Variants in CFAP46 observed in about 807,000 individuals in gnomAD.
CFAP46 encodes cilia and flagella associated protein 46.
In CFAP46, 245 loss-of-function variants were observed where a neutral mutation model predicts 325.7. The ratio of observed to expected loss-of-function variants is 0.75; its 90% confidence interval spans 0.68 to 0.84. CFAP46 has a LOEUF of 0.84. Among genes scored for constraint, CFAP46 ranks in the 40% least tolerant of loss-of-function variants. The pLI, the probability that CFAP46 is intolerant of heterozygous loss-of-function variation, is 0.00. For missense variants in CFAP46, 3,346 were observed against 3,543.0 expected, an observed-to-expected ratio of 0.94 and a Z score of 1.41; for synonymous variants, 1,523 against 1,495.9, an observed-to-expected ratio of 1.02 and a Z score of -0.42.
In CFAP46 at chr10:132,834,640, G is replaced by A. The variant is rs376366201; in HGVS notation, c.6866+14C>T. ...AGCGTGGTGGGGTGCCAGCCTCAAC[G>A]TCATCCCCAGTACCTGGCCTTGGAG... On this transcript the variant is annotated intron_variant, in intron 48 of 57. Transcript: ENST00000368586. 8.1e-5 allele frequency: 131 copies of A among 1,612,550 alleles called. 1 individual carries two copies. The African/African-American group carries it at 1.5e-3, about 18-fold the overall frequency.
At chr10:132,922,428 C>T in intron 12 of CFAP46, 52 bp downstream of exon 12, 1 of 1,498,326 alleles carries the variant, frequency 6.7e-7, no homozygotes. Flanking sequence ...CCCGCCCCGG[C>T]CCCATGCTGG....
At chr10:132,918,300 G>C in intron 16 of CFAP46, 93 bp downstream of exon 16, 1 of 769,016 alleles carries the variant, frequency 1.3e-6, no homozygotes, top group Non-Finnish European at 1.6e-6. Flanking sequence ...CAGCACCGAT[G>C]AACGCCCCTC....
chr10:132,820,675 CTGATGTGTGCTG>C (rs1277142194), intron 50 of CFAP46, among the ~76,000 whole-genome samples: 47 of 116,012 alleles, frequency 4.1e-4, no homozygotes, highest in Admixed American at 1.2e-3. Flanking sequence ...TGTGTGTGCA[CTGATGTGTGCTG>C]TGTGTGCTGA....
rs1430657279 is a variant in CFAP46 at position 132,919,311 on chromosome 10, G to A, written c.1858+4C>T. 19 of 1,549,048 alleles carry A rather than the reference G, an allele frequency of 1.2e-5. No homozygotes were observed. Among genetic ancestry groups the A allele is most frequent in the Non-Finnish European group, 1.5e-5 (17 of 1,146,368 alleles). ...GGGACACACTCGTGAGGGCGGGTACGAACCTCGCCGCAGCCTCAACTTCTT... is the reference window on the plus strand; with the variant it reads ...GGGACACACTCGTGAGGGCGGGTACAAACCTCGCCGCAGCCTCAACTTCTT... On this transcript the variant is annotated splice_donor_region_variant and intron_variant, in intron 15 of 57. Transcript: ENST00000368586. The surrounding 1 kb of genome is among the most constrained non-coding windows in gnomAD (Gnocchi z 9.7).
At chr10:132,809,077 G>A (rs1323015977) in intron 57 of CFAP46, among the ~76,000 whole-genome samples, 173 bp from the exon 58 acceptor site, 1 of 150,716 alleles carries the variant, frequency 6.6e-6, no homozygotes. Flanking sequence ...CACCCCTCCC[G>A]CACCGAGGTG....
At chr10:132,809,278 C>T (rs987197541) in intron 57 of CFAP46, among the ~76,000 whole-genome samples, 1 of 152,202 alleles carries the variant, frequency 6.6e-6, no homozygotes, top group Non-Finnish European at 1.5e-5. Flanking sequence ...CTCATGCCTC[C>T]ATTGCAGGGA....
intron 50 of CFAP46, among the ~76,000 whole-genome samples, chr10:132,822,396 GAT>G (rs1156594963): frequency 2.8e-5 from 4 of 141,952 alleles, no homozygotes; most frequent in African/African-American, 1.1e-4. Flanking sequence ...GATGTGTGCT[GAT>G]GTGTGCACTG....
chr10:132,912,528 CCT>C (rs1849563767), intron 19 of CFAP46, 125 bp downstream of exon 19: 5 of 660,634 alleles, frequency 7.6e-6, no homozygotes, highest in Non-Finnish European at 1.1e-5. Flanking sequence ...TCTCTCTTCA[CCT>C]CTCTCCTCTC....
At chr10:132,927,569 C>T (rs1241798510) in intron 9 of CFAP46, among the ~76,000 whole-genome samples, 1 of 152,230 alleles carries the variant, frequency 6.6e-6, no homozygotes, top group African/African-American at 2.4e-5. Context: ...CCGGCCTGTC[C>T]AGCGGCTGCA....
intron 8 of CFAP46, among the ~76,000 whole-genome samples, 180 bp downstream of exon 8, chr10:132,934,572 G>A (rs928304979): frequency 1.3e-5 from 2 of 152,220 alleles, no homozygotes; most frequent in African/African-American, 4.8e-5. Flanking sequence ...GTATTCGCAA[G>A]ACAGTACAAA....
At chr10:132,863,370 T>C (rs1035327378) in intron 35 of CFAP46, among the ~76,000 whole-genome samples, 1 of 152,108 alleles carries the variant, frequency 6.6e-6, no homozygotes, top group African/African-American at 2.4e-5. Context: ...CTGGCCCTCT[T>C]CTGTGTCTGC....
At chr10:132,929,857 T>C (rs1849866476) in intron 8 of CFAP46, 53 bp from the exon 9 acceptor site, 4 of 1,350,560 alleles carry the variant, frequency 3.0e-6, no homozygotes, top group Non-Finnish European at 3.1e-6. Context: ...ACAGGAAACA[T>C]GGCTGCAGGC....
intron 27 of CFAP46, among the ~76,000 whole-genome samples, chr10:132,882,662 A>G (rs1386086219): frequency 3.3e-5 from 5 of 151,966 alleles, no homozygotes; most frequent in African/African-American, 1.2e-4. Context: ...TGCTTAGCTC[A>G]GGACGTGCAG....
At chr10:132,907,918 G>A (rs1396904667) in intron 22 of CFAP46, among the ~76,000 whole-genome samples, 4 of 152,244 alleles carry the variant, frequency 2.6e-5, no homozygotes, top group Non-Finnish European at 4.4e-5. Flanking sequence ...GCCACACCTC[G>A]ATGGCACTTC....
rs1458739679 is a variant in CFAP46 at position 132,886,235 on chromosome 10, T to C, written c.3305-276A>G. ...TGTCACTCTCCATCTCCTTGGAGAATTCTGCGTTCACAAACACAGACCTGT... is the reference window on the plus strand; with the variant it reads ...TGTCACTCTCCATCTCCTTGGAGAACTCTGCGTTCACAAACACAGACCTGT... On this transcript the variant is annotated intron_variant, in intron 25 of 57. Transcript: ENST00000368586. This position sits in a 1 kb window ranked among gnomAD's most constrained non-coding sequence, Gnocchi z 5.8. 6.6e-6 allele frequency among the ~76,000 whole-genome samples: 1 copy of C among 152,210 alleles called. No homozygotes were observed. The highest frequency in any genetic ancestry group is 1.5e-5 in the Non-Finnish European group (1 of 68,022).
Position 132,886,930 on chromosome 10 carries a change from C to T in CFAP46, c.3305-971G>A, listed in dbSNP as rs1849140705. ...CCCAGCCTGCACACCCTTCCCCTGA[C>T]GGTAATTCCCACACCCTCCCAGCTC... On this transcript the variant is annotated intron_variant, in intron 25 of 57. Transcript: ENST00000368586. The surrounding 1 kb of genome is among the most constrained non-coding windows in gnomAD (Gnocchi z 5.8). Among the ~76,000 whole-genome samples, 1 of 152,046 alleles carries T rather than the reference C, an allele frequency of 6.6e-6. No homozygotes were observed. The highest frequency in any genetic ancestry group is 1.5e-5 in the Non-Finnish European group (1 of 68,004).
Position 132,941,731 on chromosome 10 carries a change from G to T in CFAP46, c.175-9C>A. On this transcript the variant is annotated splice_polypyrimidine_tract_variant and intron_variant, in intron 2 of 57. Transcript: ENST00000368586. Reference sequence around the variant, plus strand: ...ACCTCTGGCTGCCTCATCTGCAAGAGAACACCACCACAGAAGATCACAGAC... The same window carrying T: ...ACCTCTGGCTGCCTCATCTGCAAGATAACACCACCACAGAAGATCACAGAC... 2 of 1,613,826 alleles carry T rather than the reference G, an allele frequency of 1.2e-6. No homozygotes were observed. Among genetic ancestry groups the T allele is most frequent in the Non-Finnish European group, 1.7e-6 (2 of 1,179,976 alleles).
At chr10:132,938,817 C>A in intron 4 of CFAP46, 64 bp from the exon 5 acceptor site, 1 of 1,512,336 alleles carries the variant, frequency 6.6e-7, no homozygotes, top group South Asian at 1.2e-5. Context: ...GCTGCAGAAC[C>A]AAGGGGCCGC....
intron 29 of CFAP46, among the ~76,000 whole-genome samples, chr10:132,878,574 G>T (rs867584524): frequency 2.6e-5 from 4 of 152,336 alleles, no homozygotes; most frequent in African/African-American, 7.2e-5. Context: ...GAATGAGTTC[G>T]AGGTCTCTAA....
Sources: gnomAD v4.1 joint callset for allele counts (sites outside exome capture counted in the v4.1 genomes callset) on GRCh38, gnomAD v4.1.1 for gene constraint, Gnocchi (gnomAD v3.1) non-coding constraint, MANE v1.5 for transcripts, NCBI Gene and HGNC (gene_info 2026-07-23, HGNC 2026-07-21) for gene names.